Variants in MYO3B observed in about 807,000 individuals in gnomAD.
The protein encoded by MYO3B is myosin IIIB.
In MYO3B, 156 loss-of-function variants were observed where a neutral mutation model predicts 174.6. The observed-to-expected ratio is 0.89, with a 90% CI of 0.78 to 1.02. The LOEUF (loss-of-function observed/expected upper bound fraction) is 1.02, where lower values mean the gene tolerates loss of function less well. Among genes scored for constraint, MYO3B ranks in the 50% least tolerant of loss-of-function variants. MYO3B has a pLI of 0.00. For missense variants in MYO3B, 1,632 were observed against 1,639.4 expected (o/e 1.00, Z 0.08); for synonymous variants, 563 against 569.1 (o/e 0.99, Z 0.15).
chr2:170,346,806 A>C (rs1236490783), intron 8 of MYO3B, among the ~76,000 whole-genome samples: 1 of 152,170 alleles, frequency 6.6e-6, no homozygotes, highest in Non-Finnish European at 1.5e-5. Context: ...AATTAGTGTC[A>C]TCTTGCATCC....
At chr2:170,181,540 T>C (rs1204427092) in intron 1 of MYO3B, among the ~76,000 whole-genome samples, 1 of 152,196 alleles carries the variant, frequency 6.6e-6, no homozygotes, top group Non-Finnish European at 1.5e-5. Flanking sequence ...TTTTTCACCA[T>C]TAAGTGTGGT....
intron 32 of MYO3B, among the ~76,000 whole-genome samples, chr2:170,578,921 A>G (rs1005970275): frequency 1.3e-5 from 2 of 152,224 alleles, no homozygotes; most frequent in Admixed American, 1.3e-4. Context: ...GAAATTTTGT[A>G]TAGTCTGGGG....
chr2:170,211,137 A>T (rs1452151346), intron 3 of MYO3B, among the ~76,000 whole-genome samples: 1 of 152,182 alleles, frequency 6.6e-6, no homozygotes, highest in Non-Finnish European at 1.5e-5. Flanking sequence ...CCCAAAACGG[A>T]GTGGTGCCTT....
intron 22 of MYO3B, among the ~76,000 whole-genome samples, chr2:170,441,367 CT>C (rs2094799640): frequency 6.6e-6 from 1 of 152,128 alleles, no homozygotes; most frequent in Non-Finnish European, 1.5e-5. Flanking sequence ...GTGGAAAAAG[CT>C]TTCAAATTTT....
intron 32 of MYO3B, among the ~76,000 whole-genome samples, chr2:170,556,711 G>T (rs1027257982): frequency 6.6e-6 from 1 of 152,112 alleles, no homozygotes; most frequent in African/African-American, 2.4e-5. Flanking sequence ...CAGTAGAAAC[G>T]GGGTTTCACC....
At chr2:170,385,537 A>G (rs570447342) in intron 12 of MYO3B, among the ~76,000 whole-genome samples, 2 of 152,334 alleles carry the variant, frequency 1.3e-5, no homozygotes, top group Middle Eastern at 3.4e-3. Flanking sequence ...AATTTCCTTT[A>G]TACCTAAAGA....
At chr2:170,364,423 G>T (rs1254938537) in intron 8 of MYO3B, among the ~76,000 whole-genome samples, 1 of 152,000 alleles carries the variant, frequency 6.6e-6, no homozygotes, top group African/African-American at 2.4e-5. Context: ...TTTTTTGATG[G>T]AATGCTTTAT....
chr2:170,614,332 A>AAAGC (rs1695312002), intron 32 of MYO3B, among the ~76,000 whole-genome samples: 1 of 152,204 alleles, frequency 6.6e-6, no homozygotes, highest in Non-Finnish European at 1.5e-5. Context: ...CACACTACTC[A>AAAGC]ACACATAGTA....
intron 21 of MYO3B, 42 bp downstream of exon 21, chr2:170,405,675 G>C: frequency 1.9e-6 from 3 of 1,552,210 alleles, no homozygotes; most frequent in Non-Finnish European, 2.7e-6. Flanking sequence ...ATTTGGCAAA[G>C]GGTAAGTGTC....
intron 22 of MYO3B, among the ~76,000 whole-genome samples, chr2:170,439,544 T>A (rs1015947179): frequency 6.6e-6 from 1 of 152,180 alleles, no homozygotes. Flanking sequence ...CTTGGTTGAG[T>A]AGAAGTTCTA....
At chr2:170,231,920 TAGAG>T (rs749223864) in intron 6 of MYO3B, among the ~76,000 whole-genome samples, 23 of 152,324 alleles carry the variant, frequency 1.5e-4, no homozygotes, top group Admixed American at 1.3e-4. Flanking sequence ...ACTTTATAGA[TAGAG>T]AGAGGTCCTG....
chr2:170,365,161 T>C (rs1262834031), intron 8 of MYO3B, among the ~76,000 whole-genome samples: 1 of 152,198 alleles, frequency 6.6e-6, no homozygotes, highest in African/African-American at 2.4e-5. Flanking sequence ...CCTTTGTCAT[T>C]TTTAACAACA....
chr2:170,421,392 G>T (rs1351798205), intron 22 of MYO3B, among the ~76,000 whole-genome samples: 1 of 152,160 alleles, frequency 6.6e-6, no homozygotes, highest in East Asian at 1.9e-4. Context: ...TCTTGGATTG[G>T]GCGGAGTGGG....
intron 7 of MYO3B, among the ~76,000 whole-genome samples, chr2:170,312,213 A>G (rs1247944283): frequency 6.6e-6 from 1 of 152,242 alleles, no homozygotes; most frequent in Non-Finnish European, 1.5e-5. Flanking sequence ...TCTAGACTAC[A>G]GTTCAGGTTT....
In MYO3B at chr2:170,180,081, A is replaced by C. The variant is rs553251324; in HGVS notation, c.2+1792A>C. ...ATCATGAATTTTCTAATGAGTATAA[A>C]ATGTTGCTGGGCAAGTTTCTATTTA... On this transcript the variant is annotated intron_variant, in intron 1 of 34. Coordinates refer to ENST00000408978, the MANE Select transcript of MYO3B (RefSeq NM_138995.5). 9.8e-5 allele frequency: 34 copies of C among 347,068 alleles called. 1 individual carries two copies. The highest frequency in any genetic ancestry group is 6.3e-4 in the African/African-American group (30 of 47,430). 21.5% of individuals were successfully genotyped at this position (347,068 alleles called of 1,614,324 possible). A position where few individuals can be genotyped will look rare whatever the true frequency, so the allele number is the denominator to read the frequency against.
chr2:170,447,359 A>G (rs1405333443), intron 23 of MYO3B, among the ~76,000 whole-genome samples: 6 of 152,168 alleles, frequency 3.9e-5, no homozygotes, highest in Non-Finnish European at 2.9e-5. Flanking sequence ...ATCACTTGAT[A>G]GCAATAAAAA....
At chr2:170,305,348 A>C (rs1245198240) in intron 7 of MYO3B, among the ~76,000 whole-genome samples, 1 of 152,104 alleles carries the variant, frequency 6.6e-6, no homozygotes, top group Non-Finnish European at 1.5e-5. Context: ...AGTTATTTTA[A>C]GGTATATTTT....
chr2:170,248,301 C>G (rs1009465040), intron 7 of MYO3B, among the ~76,000 whole-genome samples: 1 of 152,178 alleles, frequency 6.6e-6, no homozygotes, highest in Non-Finnish European at 1.5e-5. Context: ...CTCCAAGTCA[C>G]AGGGATCCTA....
intron 25 of MYO3B, among the ~76,000 whole-genome samples, chr2:170,474,358 A>T (rs1177535376): frequency 6.6e-6 from 1 of 152,040 alleles, no homozygotes; most frequent in Non-Finnish European, 1.5e-5. Context: ...GTCTTGGGTC[A>T]ACTGCCAGGG....
Sources: gnomAD v4.1 joint callset for allele counts (sites outside exome capture counted in the v4.1 genomes callset) on GRCh38, gnomAD v4.1.1 for gene constraint, MANE v1.5 for transcripts, NCBI Gene and HGNC (gene_info 2026-07-23, HGNC 2026-07-21) for gene names.